PIEZO2: variants seen among roughly 807,000 people sequenced by gnomAD.
The protein encoded by PIEZO2 is piezo type mechanosensitive ion channel component 2.
A neutral mutation model predicts 337.3 loss-of-function variants in PIEZO2; 172 were observed. That is an observed-to-expected ratio of 0.51 (90% CI 0.45 to 0.58). The LOEUF (loss-of-function observed/expected upper bound fraction) is 0.58. PIEZO2 is among the 20% of genes least tolerant of loss of function. The pLI is 0.00. For missense variants in PIEZO2, 3,028 were observed against 3,391.3 expected, an observed-to-expected ratio of 0.89 and a Z score of 2.66; for synonymous variants, 1,251 against 1,228.5, an observed-to-expected ratio of 1.02 and a Z score of -0.38.
intron 7 of PIEZO2, among the ~76,000 whole-genome samples, chr18:10,840,456 G>T (rs757746785): frequency 6.6e-6 from 1 of 151,994 alleles, no homozygotes; most frequent in Non-Finnish European, 1.5e-5. Context: ...TTTTTATTGA[G>T]GGTAGCAATG....
intron 7 of PIEZO2, among the ~76,000 whole-genome samples, chr18:10,836,312 T>C (rs1207484540): frequency 6.6e-6 from 1 of 152,214 alleles, no homozygotes; most frequent in Admixed American, 6.5e-5. Flanking sequence ...GGCTCACTTA[T>C]TTGAAGGCTT....
In PIEZO2 at chr18:10,752,804, A is replaced by C; in HGVS notation, c.3999T>G (p.Thr1333=). ...AAAAGATGCTGATCCTGGTGGTCCCAGTGATGAAGATGATGGTGAGCACAA... is the reference window on the plus strand; with the variant it reads ...AAAAGATGCTGATCCTGGTGGTCCCCGTGATGAAGATGATGGTGAGCACAA... The part of the protein sequence containing the change: ...FWFVLTIIFI[T]GTTRISIFCM... The change falls in exon 28 of 56, where the codon ACT becomes ACG. Residue 1333 remains threonine, a synonymous_variant. Coordinates refer to ENST00000674853, the MANE Select transcript of PIEZO2 (RefSeq NM_001378183.1). 6.5e-7 allele frequency: 1 copy of C among 1,537,232 alleles called. No homozygotes were observed. Among genetic ancestry groups the C allele is most frequent in the Non-Finnish European group, 8.7e-7 (1 of 1,146,904 alleles).
rs1321323323 is a variant in PIEZO2, at chr18:10,705,399, A to C, written c.5936T>G (p.Leu1979Arg). 6.5e-7 allele frequency: 1 copy of C among 1,537,062 alleles called. No homozygotes were observed. Among genetic ancestry groups the C allele is most frequent in the Non-Finnish European group, 8.7e-7 (1 of 1,146,912 alleles). The change falls in exon 41 of 56, where the codon CTG (leucine) becomes CGG (arginine). Residue 1979 changes from leucine to arginine, a missense_variant. This residue lies in a region of PIEZO2 where 1,925 missense variants were observed against 2,051.9 expected (regional missense o/e 0.94). Coordinates refer to ENST00000674853, the MANE Select transcript of PIEZO2 (RefSeq NM_001378183.1). ...CAGGGGAGGTAAGATGCTGGACCCC[A>C]GCTTGTCGGTGCGGCTGTCGTCCGG... ...VSPDDSRTDKLGSSILPPLTH... is the reference protein window; with the variant it reads ...VSPDDSRTDKRGSSILPPLTH...
intron 3 of PIEZO2, among the ~76,000 whole-genome samples, chr18:10,918,999 C>A (rs2031209428): frequency 6.6e-6 from 1 of 151,974 alleles, no homozygotes. Context: ...TTGATTAACG[C>A]TACCAAAATT....
At chr18:10,999,575 C>T (rs1364649445) in intron 2 of PIEZO2, among the ~76,000 whole-genome samples, 10 of 151,934 alleles carry the variant, frequency 6.6e-5, no homozygotes, top group East Asian at 1.9e-4. Context: ...TATGGGAGAA[C>T]GAGCATGGGT....
chr18:10,707,231 C>T lies in PIEZO2; in HGVS notation c.5588+1044G>A, dbSNP rs1221362573. Among the ~76,000 whole-genome samples the T allele has an allele frequency of 6.6e-6, 1 of 152,202 alleles. No individual in the cohort carries two copies. Among genetic ancestry groups the T allele is most frequent in the Non-Finnish European group, 1.5e-5 (1 of 68,026 alleles). ...GCAGACTACTGGAGCCAACCCCGCA[C>T]CAGGTCTCATGGCCAGTAAGACTGT... is the stretch of plus-strand genomic sequence containing the variant. On this transcript the variant is annotated intron_variant, in intron 40 of 55. Transcript: ENST00000674853. This position sits in a 1 kb window ranked among gnomAD's most constrained non-coding sequence, Gnocchi z 4.2.
chr18:10,959,018 T>C (rs2033657219), intron 3 of PIEZO2, among the ~76,000 whole-genome samples: 1 of 152,148 alleles, frequency 6.6e-6, no homozygotes, highest in African/African-American at 2.4e-5. Context: ...CCTGTGACTG[T>C]TACAATGTCT....
Position 10,715,547 on chromosome 18 carries a change from G to T in PIEZO2, c.5256+103C>A, listed in dbSNP as rs932562810. The T allele has an allele frequency of 4.5e-6, 5 of 1,106,192 alleles. No homozygotes were observed. The African/African-American group carries it at 6.4e-5, about 14-fold the overall frequency. The allele number at this position is 1,106,192 out of a possible 1,614,324, so 68.5% of individuals were successfully genotyped here. A position where few individuals can be genotyped will look rare whatever the true frequency, so the allele number is the denominator to read the frequency against. On this transcript the variant is annotated intron_variant, in intron 38 of 55. Coordinates refer to ENST00000674853, the MANE Select transcript of PIEZO2 (RefSeq NM_001378183.1). The stretch of plus-strand genomic sequence containing the variant: ...AAAGGGGTTATGCCACAACTGCCTG[G>T]AAAGAAAGGGCTTTGTCTTATCCTA...
intron 32 of PIEZO2, among the ~76,000 whole-genome samples, chr18:10,742,103 C>T (rs1033883503): frequency 2.0e-5 from 3 of 151,888 alleles, no homozygotes; most frequent in African/African-American, 7.3e-5. Context: ...TGCAGTGAGC[C>T]GAGATCTCGC....
intron 3 of PIEZO2, among the ~76,000 whole-genome samples, chr18:10,925,860 G>A (rs77778788): frequency 5.9e-5 from 9 of 151,546 alleles, no homozygotes; most frequent in East Asian, 2.0e-4. Flanking sequence ...GAGTCACCGC[G>A]CCTGGCCAAA....
At chr18:10,928,719 C>G (rs1202898661) in intron 3 of PIEZO2, among the ~76,000 whole-genome samples, 3 of 151,108 alleles carry the variant, frequency 2.0e-5, no homozygotes, top group Non-Finnish European at 4.5e-5. Flanking sequence ...CCAAAAGTTC[C>G]CCCTATTTAT....
At chr18:10,823,639 G>C (rs2144484772) in intron 7 of PIEZO2, among the ~76,000 whole-genome samples, 1 of 152,262 alleles carries the variant, frequency 6.6e-6, no homozygotes, top group Non-Finnish European at 1.5e-5. Flanking sequence ...AGTTCAAAAA[G>C]TACAGAGTGT....
At chr18:10,722,073 C>T (rs1204012243) in intron 36 of PIEZO2, among the ~76,000 whole-genome samples, 1 of 150,756 alleles carries the variant, frequency 6.6e-6, no homozygotes, top group Admixed American at 6.6e-5. Flanking sequence ...ATTGCTTGAA[C>T]TCGGGAGACG....
At chr18:11,015,305 A>G (rs2660265) in intron 2 of PIEZO2, among the ~76,000 whole-genome samples, 1 of 148,814 alleles carries the variant, frequency 6.7e-6, no homozygotes, top group Admixed American at 6.7e-5. Context: ...CACTTCACCC[A>G]GATCCGGGGC....
intron 43 of PIEZO2, 146 bp from the exon 44 acceptor site, chr18:10,699,323 C>T: frequency 8.9e-7 from 1 of 1,122,998 alleles, no homozygotes; most frequent in Non-Finnish European, 1.2e-6. Context: ...CATATCTCAT[C>T]TTGAATTCCC....
chr18:10,937,727 T>G (rs2032484330), intron 3 of PIEZO2, among the ~76,000 whole-genome samples: 1 of 152,164 alleles, frequency 6.6e-6, no homozygotes, highest in South Asian at 2.1e-4. Context: ...CGCCTAATCC[T>G]CCAGTGCCAC....
intron 7 of PIEZO2, among the ~76,000 whole-genome samples, chr18:10,844,133 T>A (rs912904570): frequency 1.3e-5 from 2 of 152,278 alleles, no homozygotes; most frequent in Non-Finnish European, 2.9e-5. Flanking sequence ...TTAATAAAGG[T>A]GTGGGCTGGG....
intron 33 of PIEZO2, 33 bp downstream of exon 33, chr18:10,740,998 C>T (rs762168249): frequency 2.8e-5 from 43 of 1,529,294 alleles, no homozygotes; most frequent in South Asian, 3.6e-5. Context: ...GGGTTAGAGT[C>T]GATGAGGTTG....
intron 2 of PIEZO2, among the ~76,000 whole-genome samples, chr18:11,011,174 T>C (rs944145477): frequency 6.6e-6 from 1 of 152,260 alleles, no homozygotes; most frequent in African/African-American, 2.4e-5. Flanking sequence ...CTTTCTTTGA[T>C]ATTTTAGTTT....
Sources: gnomAD v4.1 joint callset for allele counts (sites outside exome capture counted in the v4.1 genomes callset) on GRCh38, gnomAD v4.1.1 for gene constraint, gnomAD v4.1.1 regional missense constraint, Gnocchi (gnomAD v3.1) non-coding constraint, MANE v1.5 for transcripts, NCBI Gene and HGNC (gene_info 2026-07-23, HGNC 2026-07-21) for gene names.